The following TTLL9 variants were observed in gnomAD, a reference collection of about 807,000 sequenced individuals.
TTLL9 encodes the protein probable tubulin polyglutamylase TTLL9.
In TTLL9, 47 loss-of-function variants were observed where a neutral mutation model predicts 65.6. The ratio of observed to expected loss-of-function variants is 0.72; its 90% CI spans 0.57 to 0.91. TTLL9 has a LOEUF of 0.91. Ranked by LOEUF, TTLL9 falls within the 40% of genes least tolerant of loss-of-function variation. The pLI, the probability that TTLL9 is intolerant of heterozygous loss-of-function variation, is 0.00. For missense variants in TTLL9, 537 were observed against 568.8 expected, an observed-to-expected ratio of 0.94 and a Z score of 0.57; for synonymous variants, 179 against 204.8, an observed-to-expected ratio of 0.87 and a Z score of 1.07.
Position 31,943,295 on chromosome 20 carries a change from G to A in TTLL9, c.*274G>A. On this transcript the variant is annotated 3_prime_UTR_variant, in exon 15 of 15. Coordinates refer to ENST00000535842, the MANE Select transcript of TTLL9 (RefSeq NM_001008409.5). ...CTGACTTGGCAGTTAGGCCCAAAGA[G>A]AACAAATACAGCAAGTTCTGCTACC... is the stretch of plus-strand genomic sequence containing the variant. The A allele has an allele frequency of 1.9e-6, 1 of 521,920 alleles. No individual in the cohort carries two copies. The highest frequency in any genetic ancestry group is 3.5e-6 in the Non-Finnish European group (1 of 287,194). 32.3% of individuals were successfully genotyped at this position (521,920 alleles called of 1,614,324 possible).
At chr20:31,898,436 T>C (rs1350758269) in intron 3 of TTLL9, 37 bp from the exon 4 acceptor site, 3 of 1,594,134 alleles carry the variant, frequency 1.9e-6, no homozygotes, top group Admixed American at 1.7e-5. Flanking sequence ...AGGAAAATCA[T>C]TGATCCTGAG....
chr20:31,921,826 G>A (rs1048883027), intron 7 of TTLL9, among the ~76,000 whole-genome samples: 7 of 152,072 alleles, frequency 4.6e-5, no homozygotes, highest in Non-Finnish European at 1.0e-4. Context: ...CTTATTTTGG[G>A]GTGGAAGGAG....
chr20:31,873,821 GAAGAAAGAAAGA>G (rs200264258), intron 2 of TTLL9, among the ~76,000 whole-genome samples: 7,307 of 95,390 alleles, frequency 0.077, 280 homozygotes, highest in Middle Eastern at 0.084. Flanking sequence ...AGGAAGGAAG[GAAGAAAGAAAGA>G]AAGAAAGAAA....
At position 31,934,795 on chromosome 20, in the gene TTLL9, A is replaced by G; in HGVS notation, c.911A>G (p.Lys304Arg). 1 of 1,613,958 alleles carries G rather than the reference A, an allele frequency of 6.2e-7. No homozygotes were observed. Among genetic ancestry groups the G allele is most frequent in the African/African-American group, 1.3e-5 (1 of 75,046 alleles). ...LFRDIDNIFV[K>R]SLQSVQKVII... ...AGGGACATCGACAACATCTTTGTCA[A>G]AAGCCTGCAGAGTGTGCAGAAGGTG... The change falls in exon 12 of 15, where the codon AAA becomes AGA. Residue 304 changes from lysine (K) to arginine (R), a missense_variant. Coordinates refer to ENST00000535842, the MANE Select transcript of TTLL9 (RefSeq NM_001008409.5).
rs1341879438 is a variant in TTLL9 at position 31,919,914 on chromosome 20, C to T, written c.555C>T (p.Asp185=). The part of the protein sequence containing the change: ...KGIFLFRRLK[D]IVDWRKDTRS... The stretch of plus-strand genomic sequence containing the variant: ...TCTTCCTCTTCCGTAGGCTGAAGGA[C>T]ATCGTGGACTGGAGGAAGGTGAGCC... Residue 185 remains aspartate (D), a synonymous_variant, in exon 7 of 15, where the codon GAC becomes GAT. Coordinates refer to ENST00000535842, the MANE Select transcript of TTLL9 (RefSeq NM_001008409.5). 2 of 1,593,248 alleles carry T rather than the reference C, an allele frequency of 1.3e-6. No homozygotes were observed. The highest frequency in any genetic ancestry group is 2.4e-5 in the East Asian group (1 of 42,192).
chr20:31,922,823 A>G lies in TTLL9; in HGVS notation c.574-140A>G, dbSNP rs773101343. ...TGTGCTTCAGTTTCTAATCTGTGAAATGGAAATAACATTAGTACTTACCTG... is the reference window on the plus strand; with the variant it reads ...TGTGCTTCAGTTTCTAATCTGTGAAGTGGAAATAACATTAGTACTTACCTG... On this transcript the variant is annotated intron_variant, in intron 7 of 14. Transcript: ENST00000535842. The G allele has an allele frequency of 1.8e-4, 112 of 626,708 alleles. 1 individual carries two copies. The highest frequency in any genetic ancestry group is 2.6e-4 in the Non-Finnish European group (96 of 365,082). The allele number at this position is 626,708 out of a possible 1,614,324, so 38.8% of individuals were successfully genotyped here.
chr20:31,915,979 G>A (rs1203530750), intron 6 of TTLL9, among the ~76,000 whole-genome samples: 3 of 152,192 alleles, frequency 2.0e-5, no homozygotes, highest in African/African-American at 7.2e-5. Flanking sequence ...AGCTTGGACA[G>A]TGCTTGACAA....
intron 8 of TTLL9, among the ~76,000 whole-genome samples, chr20:31,923,878 G>A (rs2063852576): frequency 6.6e-6 from 1 of 152,052 alleles, no homozygotes; most frequent in African/African-American, 2.4e-5. Flanking sequence ...CCAAAGGCCA[G>A]TGACTCCCAG....
rs372511123 is a variant in TTLL9 at position 31,909,895 on chromosome 20, C to A, written c.477C>A (p.Asn159Lys). 2.4e-5 allele frequency: 38 copies of A among 1,613,954 alleles called. No individual in the cohort carries two copies. The African/African-American group carries it at 3.2e-4, about 14-fold the overall frequency. ...TGTTTGTAGAGGAGTTTCGCAAAAA[C>A]CCAGGAATCACCTGGATCATGAAGC... ...YHLFVEEFRK[N>K]PGITWIMKPV... Residue 159 changes from asparagine (N) to lysine (K), a missense_variant, in exon 6 of 15, where the codon AAC (asparagine) becomes AAA (lysine). Transcript: ENST00000535842.
At chr20:31,898,671 CAA>C in intron 4 of TTLL9, 106 bp downstream of exon 4, 1 of 888,306 alleles carries the variant, frequency 1.1e-6, no homozygotes, top group Non-Finnish European at 1.8e-6. Context: ...GGACTTGTCC[CAA>C]AGTGGCTGTG....
chr20:31,875,690 T>C (rs747513566), intron 2 of TTLL9, among the ~76,000 whole-genome samples: 1 of 152,226 alleles, frequency 6.6e-6, no homozygotes, highest in Non-Finnish European at 1.5e-5. Flanking sequence ...ATCATATTAT[T>C]GTTATGGCCT....
intron 2 of TTLL9, among the ~76,000 whole-genome samples, chr20:31,875,825 T>G (rs2063031405): frequency 6.6e-6 from 1 of 152,174 alleles, no homozygotes; most frequent in African/African-American, 2.4e-5. Context: ...TTAAGTTCCC[T>G]TTTCTCTCCC....
At position 31,872,988 on chromosome 20, in the gene TTLL9, T is replaced by C. The variant is rs765330023; in HGVS notation, c.69+1793T>C. 40 of 518,014 alleles carry C rather than the reference T, an allele frequency of 7.7e-5. 1 individual carries two copies. Among genetic ancestry groups the C allele is most frequent in the South Asian group, 5.5e-4 (39 of 71,262 alleles). The allele number at this position is 518,014 out of a possible 1,614,324, so 32.1% of individuals were successfully genotyped here. Reference sequence around the variant, plus strand: ...GGTCATCTGATTTATTTAAGTCAAATACTTCGACCCCTCACTGACCCTTTC... The same window carrying C: ...GGTCATCTGATTTATTTAAGTCAAACACTTCGACCCCTCACTGACCCTTTC... On this transcript the variant is annotated intron_variant, in intron 2 of 14. Coordinates refer to ENST00000535842, the MANE Select transcript of TTLL9 (RefSeq NM_001008409.5).
intron 2 of TTLL9, chr20:31,879,985 G>T: frequency 1.2e-6 from 1 of 856,706 alleles, no homozygotes; most frequent in Admixed American, 2.5e-5. Context: ...TTGGGGATGG[G>T]TGTTCCTCGC....
intron 2 of TTLL9, among the ~76,000 whole-genome samples, chr20:31,872,364 T>C (rs192207788): frequency 4.0e-5 from 6 of 151,618 alleles, no homozygotes; most frequent in Admixed American, 3.9e-4. Flanking sequence ...GCTTAAGCAA[T>C]ATACTAAAAC....
At chr20:31,881,248 A>G (rs185065450) in intron 2 of TTLL9, among the ~76,000 whole-genome samples, 9 of 152,268 alleles carry the variant, frequency 5.9e-5, no homozygotes, top group Non-Finnish European at 2.9e-5. Context: ...CCTTTTTACT[A>G]CAATTCATTA....
At chr20:31,927,236 C>T (rs902156744) in intron 10 of TTLL9, among the ~76,000 whole-genome samples, 1 of 151,808 alleles carries the variant, frequency 6.6e-6, no homozygotes, top group Non-Finnish European at 1.5e-5. Flanking sequence ...AATCCCAGCA[C>T]TTTGGGAGGC....
At chr20:31,913,316 CCA>C (rs1159312091) in intron 6 of TTLL9, among the ~76,000 whole-genome samples, 1 of 152,164 alleles carries the variant, frequency 6.6e-6, no homozygotes, top group African/African-American at 2.4e-5. Context: ...GGTCTGAGTA[CCA>C]CAGTTTCTGA....
chr20:31,934,251 A>C (rs1248044868), intron 11 of TTLL9: 1 of 499,164 alleles, frequency 2.0e-6, no homozygotes, highest in East Asian at 5.5e-5. Flanking sequence ...CTCAGAGTCA[A>C]GGGCCAGATC....
Sources: allele counts gnomAD v4.1 joint callset (sites outside exome capture counted in the v4.1 genomes callset), GRCh38; gene constraint gnomAD v4.1.1; transcripts MANE v1.5; gene names NCBI Gene and HGNC (gene_info 2026-07-23, HGNC 2026-07-21).